NAF1: variants seen among roughly 807,000 people sequenced by gnomAD.
NAF1 encodes the protein nuclear assembly factor 1 ribonucleoprotein.
In NAF1, 11 loss-of-function variants were observed where a neutral mutation model predicts 40.6. That is an observed-to-expected ratio of 0.27 (90% CI 0.17 to 0.45). The LOEUF (loss-of-function observed/expected upper bound fraction) is 0.45, where lower values mean the gene tolerates loss of function less well. NAF1 is among the 20% of genes least tolerant of loss of function. NAF1 has a pLI of 1.00. For synonymous variants in NAF1, 260 were observed against 228.5 expected, an observed-to-expected ratio of 1.14 and a Z score of -1.24; for missense variants, 607 against 611.1, an observed-to-expected ratio of 0.99 and a Z score of 0.07.
chr4:163,105,672 A>G (rs933846484), downstream of NAF1, among the ~76,000 whole-genome samples: 5 of 152,222 alleles, frequency 3.3e-5, no homozygotes, highest in African/African-American at 1.2e-4. Flanking sequence ...TCATCCCTAC[A>G]AAATAGAATG....
intron 2 of NAF1, among the ~76,000 whole-genome samples, chr4:163,116,777 A>C (rs969048830): frequency 6.6e-6 from 1 of 152,242 alleles, no homozygotes; most frequent in Non-Finnish European, 1.5e-5. Flanking sequence ...ATTGTTGTGA[A>C]GATGTAAACA....
chr4:163,151,852 A>T (rs1208672753), intron 2 of NAF1, among the ~76,000 whole-genome samples: 1 of 152,174 alleles, frequency 6.6e-6, no homozygotes, highest in African/African-American at 2.4e-5. Flanking sequence ...GGCTTATTCC[A>T]AGCTATTTTA....
At chr4:163,151,424 G>T (rs985313072) in intron 2 of NAF1, among the ~76,000 whole-genome samples, 2 of 150,890 alleles carry the variant, frequency 1.3e-5, no homozygotes. Context: ...TTGTATAAAA[G>T]TGCAGCAGTG....
At chr4:163,153,534 A>C (rs567376743) in intron 2 of NAF1, among the ~76,000 whole-genome samples, 1 of 152,070 alleles carries the variant, frequency 6.6e-6, no homozygotes, top group Non-Finnish European at 1.5e-5. Flanking sequence ...AAACACACCA[A>C]TCAGCACCCT....
chr4:163,117,326 C>G (rs1579120689), intron 2 of NAF1: 1 of 152,078 alleles, frequency 6.6e-6, no homozygotes, highest in East Asian at 1.9e-4. Context: ...TAATATTGCA[C>G]TTAGGATTGC....
intron 2 of NAF1, among the ~76,000 whole-genome samples, chr4:163,155,361 A>G (rs192109360): frequency 1.3e-5 from 2 of 152,330 alleles, no homozygotes; most frequent in East Asian, 3.9e-4. Flanking sequence ...ACCCAAAAAG[A>G]TGGCTAGCAC....
intron 2 of NAF1, among the ~76,000 whole-genome samples, chr4:163,111,068 C>CT (rs1372471185): frequency 1.2e-4 from 19 of 152,050 alleles, no homozygotes; most frequent in Non-Finnish European, 2.2e-4. Context: ...CGCAAAAAAA[C>CT]TTTTTTGTAG....
chr4:163,153,858 C>T (rs1731850199), intron 2 of NAF1, among the ~76,000 whole-genome samples: 1 of 152,118 alleles, frequency 6.6e-6, no homozygotes, highest in South Asian at 2.1e-4. Context: ...TCGCTCTTTG[C>T]AATAAATCTT....
chr4:163,145,885 C>T, intron 3 of NAF1, 21 bp from the exon 4 acceptor site: 2 of 1,134,268 alleles, frequency 1.8e-6, no homozygotes, highest in Non-Finnish European at 2.6e-6. Flanking sequence ...AAATAGATTA[C>T]TTCAAGATTT....
intron 3 of NAF1, among the ~76,000 whole-genome samples, chr4:163,147,782 A>T (rs1231745108): frequency 6.6e-6 from 1 of 152,184 alleles, no homozygotes; most frequent in Non-Finnish European, 1.5e-5. Flanking sequence ...AGTCTTTAAA[A>T]GCAGAGAACC....
chr4:163,166,623 G>C lies in NAF1; in HGVS notation c.105C>G (p.Ala35=). The part of the protein sequence containing the change: ...EGPAAPSPGS[A]PVPGTQPPLQ... Reference sequence around the variant, plus strand: ...GCGGCGGCTGTGTCCCTGGCACAGGGGCAGAGCCCGGAGACGGAGCCGCCG... The same window carrying C: ...GCGGCGGCTGTGTCCCTGGCACAGGCGCAGAGCCCGGAGACGGAGCCGCCG... The change falls in exon 1 of 8, where the codon GCC becomes GCG. Residue 35 remains alanine, a synonymous_variant. Transcript: ENST00000274054. 1 of 1,611,414 alleles carries C rather than the reference G, an allele frequency of 6.2e-7. No homozygotes were observed. The highest frequency in any genetic ancestry group is 8.5e-7 in the Non-Finnish European group (1 of 1,179,538).
intron 2 of NAF1, among the ~76,000 whole-genome samples, chr4:163,161,826 C>T (rs540397876): frequency 6.6e-6 from 1 of 152,196 alleles, no homozygotes; most frequent in Non-Finnish European, 1.5e-5. Flanking sequence ...AAAGATAAAC[C>T]ATTCCATGTG....
intron 4 of NAF1, chr4:163,144,000 G>C (rs1178089620): frequency 1.0e-6 from 1 of 974,756 alleles, no homozygotes; most frequent in Admixed American, 6.2e-5. Flanking sequence ...GAGAACTGAG[G>C]GGGTGGGGAA....
At chr4:163,158,071 T>G (rs183364055) in intron 2 of NAF1, among the ~76,000 whole-genome samples, 46 of 152,256 alleles carry the variant, frequency 3.0e-4, no homozygotes, top group African/African-American at 1.1e-3. Context: ...CAACAGAGGT[T>G]GGTGGGAGAA....
At chr4:163,145,927 A>T in intron 3 of NAF1, 63 bp from the exon 4 acceptor site, 1 of 874,676 alleles carries the variant, frequency 1.1e-6, no homozygotes, top group Non-Finnish European at 1.8e-6. Flanking sequence ...TTTAATGAAA[A>T]TCTAAGCTTT....
At chr4:163,163,906 C>CA (rs1040929988) in intron 2 of NAF1, among the ~76,000 whole-genome samples, 13 of 142,450 alleles carry the variant, frequency 9.1e-5, no homozygotes, top group African/African-American at 2.1e-4. Context: ...ACGTGCAGAC[C>CA]AAAAAAAAAA....
intron 4 of NAF1, among the ~76,000 whole-genome samples, chr4:163,143,475 G>A (rs769105236): frequency 2.0e-5 from 3 of 152,216 alleles, no homozygotes; most frequent in Non-Finnish European, 4.4e-5. Context: ...CCAGCAGGCT[G>A]GAGGTGCACA....
intron 4 of NAF1, chr4:163,143,984 T>A: frequency 1.0e-6 from 1 of 970,388 alleles, no homozygotes; most frequent in South Asian, 4.8e-5. Flanking sequence ...CCTTGAAATA[T>A]GTCATGAGAA....
At chr4:163,159,761 T>C (rs1401997235) in intron 2 of NAF1, among the ~76,000 whole-genome samples, 1 of 152,166 alleles carries the variant, frequency 6.6e-6, no homozygotes, top group African/African-American at 2.4e-5. Context: ...TCCCCCAAAA[T>C]TGCCAATAAG....
Sources: gnomAD v4.1 joint callset for allele counts (sites outside exome capture counted in the v4.1 genomes callset) on GRCh38, gnomAD v4.1.1 for gene constraint, MANE v1.5 for transcripts, NCBI Gene and HGNC (gene_info 2026-07-23, HGNC 2026-07-21) for gene names.